TUT7: variants seen among roughly 807,000 people sequenced by gnomAD.
TUT7 encodes the protein terminal uridylyltransferase 7.
In TUT7, 33 loss-of-function variants were observed where a neutral mutation model predicts 165.9. The ratio of observed to expected loss-of-function variants is 0.20; its 90% CI spans 0.15 to 0.27. The LOEUF is 0.27. TUT7 is among the 10% of genes least tolerant of loss of function. The probability of loss-of-function intolerance (pLI) is 1.00; values close to 1 mark genes in which losing one functional copy is unlikely to be tolerated. For missense variants in TUT7, 1,338 were observed against 1,762.3 expected, an observed-to-expected ratio of 0.76 and a Z score of 4.31; for synonymous variants, 552 against 608.1, an observed-to-expected ratio of 0.91 and a Z score of 1.36.
At position 86,305,201 on chromosome 9, in the gene TUT7, A is replaced by C. The variant is rs1827348901; in HGVS notation, c.3877T>G (p.Ser1293Ala). The C allele has an allele frequency of 6.2e-7, 1 of 1,601,072 alleles. No individual in the cohort carries two copies. Among genetic ancestry groups the C allele is most frequent in the Non-Finnish European group, 8.5e-7 (1 of 1,176,008 alleles). Reference protein sequence around the residue: ...DLNHNLGAGLSRKMTNFIMKA... With the variant: ...DLNHNLGAGLARKMTNFIMKA... ...AAACGAAGTAACTCACTTTTCCTTGATAATCCAGCTCCAAGATTATGATTC... is the reference window on the plus strand; with the variant it reads ...AAACGAAGTAACTCACTTTTCCTTGCTAATCCAGCTCCAAGATTATGATTC... The change falls in exon 23 of 27, where the codon TCA becomes GCA. Residue 1293 changes from serine to alanine, a missense_variant. This residue lies in a region of TUT7 where 157 missense variants were observed against 357.5 expected (regional missense o/e 0.44). Transcript: ENST00000375963.
At chr9:86,352,291 T>A (rs368913198) in intron 2 of TUT7, among the ~76,000 whole-genome samples, 28 of 152,366 alleles carry the variant, frequency 1.8e-4, no homozygotes, top group African/African-American at 6.5e-4. Context: ...TTCTGTCATT[T>A]ATATTATGAA....
chr9:86,304,254 T>A (rs1479890107), intron 24 of TUT7, among the ~76,000 whole-genome samples: 1 of 152,108 alleles, frequency 6.6e-6, no homozygotes, highest in Non-Finnish European at 1.5e-5. Context: ...ATAAAAAGTA[T>A]AAGGAAATTA....
chr9:86,346,329 C>T lies in TUT7; in HGVS notation c.672G>A (p.Leu224=), dbSNP rs1210617668. 1 of 1,614,006 alleles carries T rather than the reference C, an allele frequency of 6.2e-7. No individual in the cohort carries two copies. Among genetic ancestry groups the T allele is most frequent in the Non-Finnish European group, 8.5e-7 (1 of 1,179,914 alleles). ...TTAGCCTGTCAATGCAGTCTCTCTT[C>T]AGTCTCTCCTCAGCCTGCTGTAAGC... ...LLGLQQAEER[L]KRDCIDRLKR... The change falls in exon 3 of 27, where the codon CTG becomes CTA. Residue 224 remains leucine, a synonymous_variant. Coordinates refer to ENST00000375963, the MANE Select transcript of TUT7 (RefSeq NM_024617.4).
intron 14 of TUT7, among the ~76,000 whole-genome samples, chr9:86,321,754 CTGCTATGAT>C: frequency 6.6e-6 from 1 of 152,096 alleles, no homozygotes; most frequent in Non-Finnish European, 1.5e-5. Context: ...AAAAGGAAAC[CTGCTATGAT>C]TGCTATGTAT....
At chr9:86,342,872 T>C (rs531038033) in intron 6 of TUT7, among the ~76,000 whole-genome samples, 7 of 152,082 alleles carry the variant, frequency 4.6e-5, no homozygotes, top group Non-Finnish European at 1.0e-4. Context: ...CAGTGTTGGA[T>C]GTATAAAAGA....
chr9:86,307,566 A>C (rs1216126561), intron 22 of TUT7, among the ~76,000 whole-genome samples: 1 of 152,256 alleles, frequency 6.6e-6, no homozygotes, highest in Non-Finnish European at 1.5e-5. Flanking sequence ...TAAAATTAAA[A>C]AAATATTTCT....
At chr9:86,343,962 G>A (rs1033217148) in intron 5 of TUT7, among the ~76,000 whole-genome samples, 3 of 152,138 alleles carry the variant, frequency 2.0e-5, no homozygotes, top group Admixed American at 6.5e-5. Context: ...CCACAACAAA[G>A]TACATTCATT....
chr9:86,338,908 C>T lies in TUT7; in HGVS notation c.1250G>A (p.Cys417Tyr), dbSNP rs11999128. ...GGCAGTTAAATGCTTTGTTGTCAGA[C>T]AAGCATTTTCATTTCCTGCGCTCAC... ...CKVSAGNENA[C>Y]LTTKHLTALG... The change falls in exon 9 of 27, where the codon TGT becomes TAT. Residue 417 changes from cysteine (C) to tyrosine (Y), a missense_variant. Physicochemically the swap from Cys to Tyr is radical, Grantham distance 194 (BLOSUM62 -2). This residue lies in a region of TUT7 where 74 missense variants were observed against 128.5 expected (regional missense o/e 0.58). Coordinates refer to ENST00000375963, the MANE Select transcript of TUT7 (RefSeq NM_024617.4). The T allele has an allele frequency of 2.1e-5, 34 of 1,611,658 alleles. No homozygotes were observed. The African/African-American group carries it at 4.4e-4, about 21-fold the overall frequency.
chr9:86,325,263 A>G, intron 12 of TUT7, 71 bp downstream of exon 12: 1 of 1,444,768 alleles, frequency 6.9e-7, no homozygotes, highest in South Asian at 1.3e-5. Flanking sequence ...GACTGAAATA[A>G]AAAGCATGCT....
rs1829721840 is a variant in TUT7, at chr9:86,325,648, G to A, written c.1609-134C>T. The stretch of plus-strand genomic sequence containing the variant: ...AGATATAAGCCTGACAATCCATCTA[G>A]ATAAATCAATTCTAACTTCTATTTT... On this transcript the variant is annotated intron_variant, in intron 11 of 26. Coordinates refer to ENST00000375963, the MANE Select transcript of TUT7 (RefSeq NM_024617.4). 3 of 752,334 alleles carry A rather than the reference G, an allele frequency of 4.0e-6. No individual in the cohort carries two copies. In the South Asian group the frequency reaches 6.1e-5, roughly 15 times the overall value. 46.6% of individuals were successfully genotyped at this position (752,334 alleles called of 1,614,324 possible). A position where few individuals can be genotyped will look rare whatever the true frequency, so the allele number is the denominator to read the frequency against.
rs773058929 is a variant in TUT7, at chr9:86,353,246, T to C, written c.-31-16A>G. On this transcript the variant is annotated splice_polypyrimidine_tract_variant and intron_variant, in intron 1 of 26. Coordinates refer to ENST00000375963, the MANE Select transcript of TUT7 (RefSeq NM_024617.4). ...TACTTTGCACCTGAAAGAAGGTATT[T>C]TGGGGAAATATCAAACTATATAACA... The C allele has an allele frequency of 6.6e-7, 1 of 1,514,552 alleles. No homozygotes were observed. The highest frequency in any genetic ancestry group is 8.8e-7 in the Non-Finnish European group (1 of 1,136,756). The allele number at this position is 1,514,552 out of a possible 1,614,324, so 93.8% of individuals were successfully genotyped here.
At chr9:86,308,891 A>G (rs774156528) in intron 21 of TUT7, among the ~76,000 whole-genome samples, 1 of 152,236 alleles carries the variant, frequency 6.6e-6, no homozygotes, top group Non-Finnish European at 1.5e-5. Context: ...GTAGGTTATT[A>G]GATCTCTTTA....
At chr9:86,349,518 T>C (rs1832085274) in intron 2 of TUT7, among the ~76,000 whole-genome samples, 2 of 152,008 alleles carry the variant, frequency 1.3e-5, no homozygotes, top group African/African-American at 4.8e-5. Flanking sequence ...AAGGCTAAAG[T>C]AGGGGCAGTA....
rs541090165 is a variant in TUT7, at chr9:86,311,744, C to A, written c.3275-935G>T. On this transcript the variant is annotated intron_variant, in intron 17 of 26. Transcript: ENST00000375963. The surrounding 1 kb of genome is among the most constrained non-coding windows in gnomAD (Gnocchi z 4.4). ...GCCTGATTCTCCTGCCTCAGCCTGCCGAGTGCCTGCGATTGCAGGTGCGCG... is the reference window on the plus strand; with the variant it reads ...GCCTGATTCTCCTGCCTCAGCCTGCAGAGTGCCTGCGATTGCAGGTGCGCG... Among the ~76,000 whole-genome samples the A allele has an allele frequency of 6.6e-6, 1 of 151,964 alleles. No homozygotes were observed. Among genetic ancestry groups the A allele is most frequent in the Admixed American group, 6.6e-5 (1 of 15,258 alleles).
intron 1 of TUT7, among the ~76,000 whole-genome samples, chr9:86,354,020 T>C (rs908813102): frequency 3.3e-5 from 5 of 152,208 alleles, no homozygotes; most frequent in African/African-American, 1.2e-4. Context: ...CCTGCACTCC[T>C]GGCCAAGAAG....
intron 22 of TUT7, among the ~76,000 whole-genome samples, chr9:86,306,821 C>T (rs1173874284): frequency 6.6e-6 from 1 of 152,000 alleles, no homozygotes; most frequent in Non-Finnish European, 1.5e-5. Flanking sequence ...AAACAAACGA[C>T]TACTATCACC....
At chr9:86,301,004 G>C (rs886647646) in intron 26 of TUT7, among the ~76,000 whole-genome samples, 1 of 152,184 alleles carries the variant, frequency 6.6e-6, no homozygotes, top group African/African-American at 2.4e-5. Context: ...ACATGTGCAG[G>C]TACCAGGGAT....
rs200304124 is a variant in TUT7, at chr9:86,323,133, T to C, written c.2617A>G (p.Met873Val). Residue 873 changes from methionine to valine, a missense_variant, in exon 13 of 27, where the codon ATG becomes GTG. Around this residue, in one of 7 missense-constraint regions of TUT7, gnomAD observed 425 missense variants for 474.9 expected, o/e 0.89. Transcript: ENST00000375963. ...TINQREDEDG[M>V]ANEDELDNTY... The stretch of plus-strand genomic sequence containing the variant: ...TTGTCTAACTCATCTTCATTAGCCA[T>C]GCCATCTTCATCTTCCCTTTGGTTA... 4.3e-6 allele frequency: 7 copies of C among 1,614,224 alleles called. No homozygotes were observed. The African/African-American group carries it at 8.0e-5, about 18-fold the overall frequency.
intron 26 of TUT7, among the ~76,000 whole-genome samples, chr9:86,290,118 C>T (rs1298499230): frequency 1.3e-5 from 2 of 151,844 alleles, no homozygotes; most frequent in African/African-American, 2.4e-5. Flanking sequence ...GAAGATTAGA[C>T]GAATACATGT....
Sources: gnomAD v4.1 joint callset for allele counts (sites outside exome capture counted in the v4.1 genomes callset) on GRCh38, gnomAD v4.1.1 for gene constraint, gnomAD v4.1.1 regional missense constraint, Gnocchi (gnomAD v3.1) non-coding constraint, MANE v1.5 for transcripts, NCBI Gene and HGNC (gene_info 2026-07-23, HGNC 2026-07-21) for gene names.